Variants in SCRN3 observed in about 807,000 individuals in gnomAD.
The protein encoded by SCRN3 is secernin-3.
In SCRN3, 39 loss-of-function variants were observed where a neutral mutation model predicts 43.1. That is an observed-to-expected ratio of 0.91 (90% confidence interval 0.70 to 1.18). The LOEUF (loss-of-function observed/expected upper bound fraction) is 1.18, where lower values mean the gene tolerates loss of function less well. SCRN3 is among the 50% of genes most tolerant of loss of function. The pLI, the probability that SCRN3 is intolerant of heterozygous loss-of-function variation, is 0.00. For synonymous variants in SCRN3, 147 were observed against 163.1 expected (o/e 0.90, Z 0.75); for missense variants, 484 against 498.0 (o/e 0.97, Z 0.27).
Position 174,398,298 on chromosome 2 carries a change from C to A in SCRN3, c.15C>A (p.Ser5=). The change falls in exon 2 of 8, where the codon TCC becomes TCA. Residue 5 remains serine, a synonymous_variant. Transcript: ENST00000272732. ...AGTTAAAAAAAATGGAACCTTTTTC[C>A]TGTGACACTTTCGTGGCATTACCTC... MEPF[S]CDTFVALPPA... 1 of 1,572,780 alleles carries A rather than the reference C, an allele frequency of 6.4e-7. No homozygotes were observed. Among genetic ancestry groups the A allele is most frequent in the Non-Finnish European group, 8.6e-7 (1 of 1,166,454 alleles).
At chr2:174,403,782 T>G (rs774242999) in intron 4 of SCRN3, among the ~76,000 whole-genome samples, 47 of 152,158 alleles carry the variant, frequency 3.1e-4, no homozygotes, top group Non-Finnish European at 1.8e-4. Flanking sequence ...ATCTTGACTA[T>G]AGCAATACCA....
At position 174,404,205 on chromosome 2, in the gene SCRN3, G is replaced by C. The variant is rs150257275; in HGVS notation, c.644G>C (p.Gly215Ala). Residue 215 changes from glycine (G) to alanine (A), a missense_variant, in exon 5 of 8, where the codon GGT becomes GCT. Transcript: ENST00000272732. The stretch of plus-strand genomic sequence containing the variant: ...GCTAAGCGGAAAGGTTGGTGGGATG[G>C]TAAAAAGGAGTTTGATTTTGCTGCA... ...NYAKRKGWWD[G>A]KKEFDFAAAY... 3 of 1,613,846 alleles carry C rather than the reference G, an allele frequency of 1.9e-6. No individual in the cohort carries two copies. The South Asian group carries it at 3.3e-5, about 18-fold the overall frequency.
At chr2:174,415,746 G>T (rs991453299) in intron 5 of SCRN3, among the ~76,000 whole-genome samples, 2 of 152,174 alleles carry the variant, frequency 1.3e-5, no homozygotes, top group Non-Finnish European at 2.9e-5. Context: ...CTGGGTTCAA[G>T]CTATTCTCGT....
At chr2:174,423,123 T>A (rs770801211) in intron 6 of SCRN3, 76 bp downstream of exon 6, 306 of 1,286,858 alleles carry the variant, frequency 2.4e-4, no homozygotes, top group Admixed American at 3.9e-4. Context: ...AATAATTTTG[T>A]CAGGATAAAT....
chr2:174,427,874 ATCAG>A lies in SCRN3; in HGVS notation c.1258_1261del (p.Val420LysfsTer11), dbSNP rs753001397. ...AAATTCAAATTTATCAGTCAAATTT[ATCAG>A]TCAAAGTTAGTTCTTAGTGATCATA... On this transcript the variant is annotated frameshift_variant, in exon 8 of 8. Transcript: ENST00000272732. LOFTEE classifies it high-confidence loss of function. 3.8e-6 allele frequency: 6 copies of A among 1,583,934 alleles called. No individual in the cohort carries two copies. The highest frequency in any genetic ancestry group is 4.3e-6 in the Non-Finnish European group (5 of 1,153,938).
At chr2:174,417,521 G>A (rs1171414612) in intron 5 of SCRN3, among the ~76,000 whole-genome samples, 7 of 152,058 alleles carry the variant, frequency 4.6e-5, no homozygotes, top group Non-Finnish European at 5.9e-5. Flanking sequence ...AGCCTCCCAA[G>A]TAGCTGGGAT....
chr2:174,422,908 A>G lies in SCRN3; in HGVS notation c.778A>G (p.Met260Val). The G allele has an allele frequency of 6.2e-7, 1 of 1,608,180 alleles. No individual in the cohort carries two copies. Among genetic ancestry groups the G allele is most frequent in the Non-Finnish European group, 8.5e-7 (1 of 1,174,878 alleles). The change falls in exon 6 of 8, where the codon ATG becomes GTG. Residue 260 changes from methionine to valine, a missense_variant. Met to Val is a conservative substitution (Grantham distance 21). Transcript: ENST00000272732. ...AGGAAATATAACTTTTGAAACAATG[A>G]TGGAAATTCTTCGAGATAAACCAAG... Reference protein sequence around the residue: ...HKGNITFETMMEILRDKPSGI... With the variant: ...HKGNITFETMVEILRDKPSGI...
intron 5 of SCRN3, among the ~76,000 whole-genome samples, chr2:174,417,414 G>A (rs1390182336): frequency 2.0e-5 from 3 of 151,510 alleles, no homozygotes; most frequent in South Asian, 4.2e-4. Flanking sequence ...TTTTTTTTGA[G>A]GCAGAGTCTT....
intron 5 of SCRN3, among the ~76,000 whole-genome samples, chr2:174,416,690 A>C (rs990254846): frequency 1.3e-5 from 2 of 152,222 alleles, no homozygotes; most frequent in African/African-American, 2.4e-5. Flanking sequence ...ACCTGTAGCA[A>C]AAATAGAGTG....
chr2:174,418,928 T>G (rs1686203255), intron 5 of SCRN3, among the ~76,000 whole-genome samples: 1 of 152,244 alleles, frequency 6.6e-6, no homozygotes, highest in Non-Finnish European at 1.5e-5. Context: ...TTTTCTTGAT[T>G]TTGAAGTAAT....
At chr2:174,418,286 T>C (rs1004952168) in intron 5 of SCRN3, among the ~76,000 whole-genome samples, 1 of 152,334 alleles carries the variant, frequency 6.6e-6, no homozygotes, top group African/African-American at 2.4e-5. Flanking sequence ...AGAATATGTC[T>C]TTCTAATACT....
intron 1 of SCRN3, chr2:174,396,051 T>C: frequency 7.8e-7 from 1 of 1,275,194 alleles, no homozygotes. Flanking sequence ...AAAGCTTTTC[T>C]GCACTGTTTT....
At position 174,427,845 on chromosome 2, in the gene SCRN3, G is replaced by T; in HGVS notation, c.1225G>T (p.Asp409Tyr). 6.2e-7 allele frequency: 1 copy of T among 1,603,620 alleles called. No homozygotes were observed. The highest frequency in any genetic ancestry group is 8.5e-7 in the Non-Finnish European group (1 of 1,172,110). ...IVNLFPQCTK[D>Y]EIQIYQSNLS... is the part of the protein sequence containing the mutation. Reference sequence around the variant, plus strand: ...TAATCTCTTTCCTCAGTGTACAAAAGATGAAATTCAAATTTATCAGTCAAA... The same window carrying T: ...TAATCTCTTTCCTCAGTGTACAAAATATGAAATTCAAATTTATCAGTCAAA... The change falls in exon 8 of 8, where the codon GAT (aspartate) becomes TAT (tyrosine). Residue 409 changes from aspartate to tyrosine, a missense_variant. Transcript: ENST00000272732.
chr2:174,398,569 G>A (rs1685403870), intron 2 of SCRN3, 127 bp downstream of exon 2: 2 of 707,332 alleles, frequency 2.8e-6, no homozygotes, highest in African/African-American at 1.9e-5. Flanking sequence ...AAAAATAAAT[G>A]AGTCAGAAAT....
Position 174,424,534 on chromosome 2 carries a change from C to T in SCRN3, c.977C>T (p.Ser326Leu), listed in dbSNP as rs867933939. ...PHISQLLDTS[S>L]PTFELEDLVK... ...ATTTCACAACTATTGGATACCAGTT[C>T]ACCAACATTTGAACTTGAAGATCTA... Residue 326 changes from serine (S) to leucine (L), a missense_variant, in exon 7 of 8, where the codon TCA (serine) becomes TTA (leucine). Physicochemically the swap from Ser to Leu is moderately radical, Grantham distance 145. Coordinates refer to ENST00000272732, the MANE Select transcript of SCRN3 (RefSeq NM_024583.5). 6.2e-7 allele frequency: 1 copy of T among 1,612,992 alleles called. No homozygotes were observed. The highest frequency in any genetic ancestry group is 1.7e-5 in the Admixed American group (1 of 60,000).
At chr2:174,426,421 C>T (rs1686483748) in intron 7 of SCRN3, among the ~76,000 whole-genome samples, 2 of 152,090 alleles carry the variant, frequency 1.3e-5, no homozygotes, top group Admixed American at 1.3e-4. Flanking sequence ...TACTGAAGTC[C>T]ATGTTAAGGT....
chr2:174,401,630 A>T (rs866268714), intron 4 of SCRN3, among the ~76,000 whole-genome samples: 9 of 152,176 alleles, frequency 5.9e-5, no homozygotes, highest in Non-Finnish European at 1.0e-4. Flanking sequence ...TAAAACACAA[A>T]AGTTTGATAT....
At chr2:174,419,042 C>T (rs1686205689) in intron 5 of SCRN3, among the ~76,000 whole-genome samples, 1 of 152,138 alleles carries the variant, frequency 6.6e-6, no homozygotes, top group Non-Finnish European at 1.5e-5. Context: ...GAGGGCAGAA[C>T]ATTAGATTAT....
At chr2:174,426,126 A>C (rs1229802567) in intron 7 of SCRN3, among the ~76,000 whole-genome samples, 1 of 152,184 alleles carries the variant, frequency 6.6e-6, no homozygotes, top group Admixed American at 6.5e-5. Context: ...AAACTTAGTC[A>C]ATTATATTTA....
Sources: allele counts gnomAD v4.1 joint callset (sites outside exome capture counted in the v4.1 genomes callset), GRCh38; gene constraint gnomAD v4.1.1; transcripts MANE v1.5; gene names NCBI Gene and HGNC (gene_info 2026-07-23, HGNC 2026-07-21).